The following FXR1 variants were observed in gnomAD, a reference collection of about 807,000 sequenced individuals.
FXR1 encodes FMR1 autosomal homolog 1.
Under a neutral mutation model 84.0 loss-of-function variants are expected in FXR1, and 15 were observed. The ratio of observed to expected loss-of-function variants is 0.18; its 90% CI spans 0.12 to 0.27. FXR1 has a LOEUF of 0.27. Among genes scored for constraint, FXR1 ranks in the 10% least tolerant of loss-of-function variants. The probability of loss-of-function intolerance (pLI) is 1.00; values close to 1 mark genes in which losing one functional copy is unlikely to be tolerated. For synonymous variants in FXR1, 245 were observed against 250.7 expected, an observed-to-expected ratio of 0.98 and a Z score of 0.21; for missense variants, 480 against 774.4, an observed-to-expected ratio of 0.62 and a Z score of 4.51.
intron 1 of FXR1, among the ~76,000 whole-genome samples, chr3:180,917,220 CCT>C (rs1272411926): frequency 6.6e-6 from 1 of 152,056 alleles, no homozygotes; most frequent in Non-Finnish European, 1.5e-5. Flanking sequence ...TCTATAATTC[CCT>C]GTTTAGCTTG....
At chr3:180,972,388 C>T (rs1427040118) in intron 15 of FXR1, among the ~76,000 whole-genome samples, 2 of 152,072 alleles carry the variant, frequency 1.3e-5, no homozygotes, top group African/African-American at 4.8e-5. Flanking sequence ...CCTGGGAGGT[C>T]GAGGCCGCAG....
intron 1 of FXR1, among the ~76,000 whole-genome samples, chr3:180,922,782 TA>T (rs1718736686): frequency 1.3e-5 from 2 of 152,078 alleles, no homozygotes; most frequent in South Asian, 4.2e-4. Flanking sequence ...CCAGCTAATT[TA>T]AAAAAATTTT....
chr3:180,947,977 GA>G (rs1458830835), intron 4 of FXR1, 41 bp downstream of exon 4: 7 of 1,151,324 alleles, frequency 6.1e-6, no homozygotes, highest in Non-Finnish European at 9.0e-6. Flanking sequence ...AGTTTCTAAG[GA>G]AGTACCTCAG....
In FXR1 at chr3:180,979,599, A is replaced by C. The variant is rs1197821298; in HGVS notation, c.*3307A>C. On this transcript the variant is annotated 3_prime_UTR_variant, in exon 17 of 17. Coordinates refer to ENST00000357559, the MANE Select transcript of FXR1 (RefSeq NM_005087.4). ...TTTATTAGAACGTGTACTTGAATGG[A>C]CTGTAGTTGCTCATAACCCATGTTA... 1.3e-5 allele frequency: 2 copies of C among 151,262 alleles called. No homozygotes were observed. Among genetic ancestry groups the C allele is most frequent in the African/African-American group, 4.9e-5 (2 of 41,148 alleles). The allele number at this position is 151,262 out of a possible 1,614,324, so 9.4% of individuals were successfully genotyped here. A position where few individuals can be genotyped will look rare whatever the true frequency, so the allele number is the denominator to read the frequency against.
intron 1 of FXR1, among the ~76,000 whole-genome samples, chr3:180,913,910 C>T (rs1717557141): frequency 6.6e-6 from 1 of 152,254 alleles, no homozygotes. Context: ...TACCTTTTAT[C>T]CTATGGGTTT....
chr3:180,935,183 AC>A lies in FXR1; in HGVS notation c.152del (p.Pro51HisfsTer5). On this transcript the variant is annotated frameshift_variant, in exon 3 of 17. Coordinates refer to ENST00000357559, the MANE Select transcript of FXR1 (RefSeq NM_005087.4). LOFTEE classifies it high-confidence loss of function. Reference sequence around the variant, plus strand: ...TTCCATTTAATGAAGTTAGATTACCACCACCACCTGATATAAAAAAAGAAAT... The same window carrying A: ...TTCCATTTAATGAAGTTAGATTACCACACCACCTGATATAAAAAAAGAAAT... ...QVPFNEVRLP[P>X]PPDIKKEISE... is the part of the protein sequence containing the mutation. The A allele has an allele frequency of 1.3e-6, 2 of 1,584,984 alleles. No individual in the cohort carries two copies. The highest frequency in any genetic ancestry group is 1.7e-6 in the Non-Finnish European group (2 of 1,153,818).
Position 180,982,150 on chromosome 3 carries a change from T to A in FXR1, c.*5858T>A, listed in dbSNP as rs888313488. On this transcript the variant is annotated 3_prime_UTR_variant, in exon 17 of 17. Transcript: ENST00000357559. ...TGTTGCCTTGGCTGCTTAACCTTAC[T>A]AAACTTCCATTTCCTCACATGTAAA... 3 of 152,090 alleles carry A rather than the reference T, an allele frequency of 2.0e-5. No homozygotes were observed. The highest frequency in any genetic ancestry group is 7.2e-5 in the African/African-American group (3 of 41,454). 9.4% of individuals were successfully genotyped at this position (152,090 alleles called of 1,614,324 possible).
rs1028956374 is a variant in FXR1 at position 180,981,028 on chromosome 3, G to C, written c.*4736G>C. 2 of 151,694 alleles carry C rather than the reference G, an allele frequency of 1.3e-5. No homozygotes were observed. Among genetic ancestry groups the C allele is most frequent in the African/African-American group, 4.8e-5 (2 of 41,282 alleles). 9.4% of individuals were successfully genotyped at this position (151,694 alleles called of 1,614,324 possible). Reference sequence around the variant, plus strand: ...TGATTCATGTTCTAAATTTTCATCAGATTTAACATGTTTGGAGGTTCTTGT... The same window carrying C: ...TGATTCATGTTCTAAATTTTCATCACATTTAACATGTTTGGAGGTTCTTGT... On this transcript the variant is annotated 3_prime_UTR_variant, in exon 17 of 17. Coordinates refer to ENST00000357559, the MANE Select transcript of FXR1 (RefSeq NM_005087.4).
chr3:180,948,718 T>C lies in FXR1; in HGVS notation c.420-3T>C. ...TCTTACACATAAATTGATTTCTCTCTAGGTGTGCTAATGAAAATGCACATA... is the reference window on the plus strand; with the variant it reads ...TCTTACACATAAATTGATTTCTCTCCAGGTGTGCTAATGAAAATGCACATA... On this transcript the variant is annotated splice_polypyrimidine_tract_variant and splice_region_variant and intron_variant, in intron 5 of 16. Transcript: ENST00000357559. 6.8e-7 allele frequency: 1 copy of C among 1,476,166 alleles called. No individual in the cohort carries two copies. The highest frequency in any genetic ancestry group is 9.5e-7 in the Non-Finnish European group (1 of 1,055,266). The allele number at this position is 1,476,166 out of a possible 1,614,324, so 91.4% of individuals were successfully genotyped here. A position where few individuals can be genotyped will look rare whatever the true frequency, so the allele number is the denominator to read the frequency against.
Position 180,957,198 on chromosome 3 carries a change from A to T in FXR1, c.881-621A>T, listed in dbSNP as rs1221506198. Among the ~76,000 whole-genome samples, 4 of 152,194 alleles carry T rather than the reference A, an allele frequency of 2.6e-5. No individual in the cohort carries two copies. The East Asian group carries it at 7.7e-4, about 29-fold the overall frequency. On this transcript the variant is annotated intron_variant, in intron 9 of 16. Coordinates refer to ENST00000357559, the MANE Select transcript of FXR1 (RefSeq NM_005087.4). The stretch of plus-strand genomic sequence containing the variant: ...ACTTACAAGTTAAGTGTAGAAAGTT[A>T]AATACTTGAATTTTATGTAATTTTA...
intron 15 of FXR1, among the ~76,000 whole-genome samples, chr3:180,974,745 TTC>T (rs1227585079): frequency 2.0e-5 from 3 of 152,106 alleles, no homozygotes; most frequent in African/African-American, 7.2e-5. Context: ...TGCTTGTAGT[TTC>T]TTATTTTAAT....
rs1296711377 is a variant in FXR1 at position 180,981,731 on chromosome 3, T to C, written c.*5439T>C. 2 of 152,048 alleles carry C rather than the reference T, an allele frequency of 1.3e-5. No individual in the cohort carries two copies. Among genetic ancestry groups the C allele is most frequent in the African/African-American group, 2.4e-5 (1 of 41,430 alleles). 9.4% of individuals were successfully genotyped at this position (152,048 alleles called of 1,614,324 possible). A position where few individuals can be genotyped will look rare whatever the true frequency, so the allele number is the denominator to read the frequency against. The stretch of plus-strand genomic sequence containing the variant: ...CGTGGGACCTTAGAAAAAAGACCAT[T>C]TGCTCTGGACTTTTGTTTCCCAAGC... On this transcript the variant is annotated 3_prime_UTR_variant, in exon 17 of 17. Transcript: ENST00000357559.
At chr3:180,935,957 T>C (rs1025911867) in intron 3 of FXR1, among the ~76,000 whole-genome samples, 1 of 152,182 alleles carries the variant, frequency 6.6e-6, no homozygotes, top group Non-Finnish European at 1.5e-5. Flanking sequence ...AATGGCGCGA[T>C]CTTGGCTCAC....
chr3:180,915,048 C>CT (rs1312588246), intron 1 of FXR1: 1 of 400,120 alleles, frequency 2.5e-6, no homozygotes, highest in Non-Finnish European at 3.4e-6. Context: ...ACAAATCTCT[C>CT]TGTCTAACAT....
intron 3 of FXR1, among the ~76,000 whole-genome samples, chr3:180,937,217 T>C (rs553721124): frequency 6.6e-6 from 1 of 152,330 alleles, no homozygotes; most frequent in East Asian, 1.9e-4. Flanking sequence ...AGGAATGATG[T>C]AGGTTTGGAC....
intron 15 of FXR1, chr3:180,971,327 C>G (rs1713559174): frequency 6.0e-6 from 1 of 168,030 alleles, no homozygotes; most frequent in Non-Finnish European, 1.3e-5. Flanking sequence ...TAAGAAAATG[C>G]ATTCTTCCTT....
intron 11 of FXR1, 21 bp from the exon 12 acceptor site, chr3:180,962,862 T>C: frequency 6.5e-7 from 1 of 1,530,588 alleles, no homozygotes; most frequent in Non-Finnish European, 9.0e-7. Flanking sequence ...GAAGACTTAC[T>C]CTTTTTTGTT....
intron 15 of FXR1, chr3:180,971,108 G>C (rs764734278): frequency 1.6e-6 from 2 of 1,272,646 alleles, no homozygotes; most frequent in East Asian, 5.6e-5. Flanking sequence ...CGACGCAATC[G>C]TAGCCGCAGG....
chr3:180,973,473 G>A (rs943531519), intron 15 of FXR1, among the ~76,000 whole-genome samples: 1 of 152,166 alleles, frequency 6.6e-6, no homozygotes, highest in African/African-American at 2.4e-5. Flanking sequence ...ACTGAGGGCC[G>A]AACTTGGAAA....
Sources: gnomAD v4.1 joint callset for allele counts (sites outside exome capture counted in the v4.1 genomes callset) on GRCh38, gnomAD v4.1.1 for gene constraint, MANE v1.5 for transcripts, NCBI Gene and HGNC (gene_info 2026-07-23, HGNC 2026-07-21) for gene names.